Variants in DENND4C observed in about 807,000 individuals in gnomAD.
DENND4C encodes the protein DENN domain containing 4C, also known as DENN domain-containing protein 4C.
DENND4C carries 108 observed loss-of-function variants against 203.0 expected under a neutral mutation model. That is an observed-to-expected ratio of 0.53 (90% CI 0.46 to 0.62). The LOEUF is 0.62. DENND4C is among the 20% of genes least tolerant of loss of function. The pLI is 0.00. For synonymous variants in DENND4C, 871 were observed against 792.4 expected, an observed-to-expected ratio of 1.10 and a Z score of -1.67; for missense variants, 2,481 against 2,301.2, an observed-to-expected ratio of 1.08 and a Z score of -1.60.
intron 10 of DENND4C, among the ~76,000 whole-genome samples, chr9:19,309,302 A>G (rs1840299095): frequency 6.6e-6 from 1 of 151,980 alleles, no homozygotes; most frequent in Non-Finnish European, 1.5e-5. Flanking sequence ...CATGCCTGTA[A>G]TCCCAGCTAT....
chr9:19,361,349 T>G (rs756932568), intron 29 of DENND4C, among the ~76,000 whole-genome samples: 1 of 152,178 alleles, frequency 6.6e-6, no homozygotes, highest in Non-Finnish European at 1.5e-5. Context: ...CTGTCTGACT[T>G]AAAAGCCCCA....
At chr9:19,298,027 T>G in intron 6 of DENND4C, 29 bp from the exon 7 acceptor site, 1 of 1,528,048 alleles carries the variant, frequency 6.5e-7, no homozygotes, top group Middle Eastern at 1.8e-4. Context: ...AAAGTAATTA[T>G]TATATTTATT....
chr9:19,238,330 C>T (rs1425298163), intron 1 of DENND4C, among the ~76,000 whole-genome samples: 1 of 151,836 alleles, frequency 6.6e-6, no homozygotes, highest in African/African-American at 2.4e-5. Context: ...GATCTGCCGG[C>T]CTTGGCCTCC....
At chr9:19,306,493 T>C (rs1473718810) in intron 10 of DENND4C, among the ~76,000 whole-genome samples, 1 of 152,192 alleles carries the variant, frequency 6.6e-6, no homozygotes, top group Non-Finnish European at 1.5e-5. Context: ...AATTAGTTTT[T>C]TGTAGCACAC....
chr9:19,283,764 T>G (rs957079138), intron 2 of DENND4C, among the ~76,000 whole-genome samples: 1 of 151,722 alleles, frequency 6.6e-6, no homozygotes, highest in Non-Finnish European at 1.5e-5. Flanking sequence ...CCAGGCTAAT[T>G]TTTTATTTTT....
chr9:19,334,832 T>A, intron 17 of DENND4C, 145 bp from the exon 18 acceptor site: 1 of 831,878 alleles, frequency 1.2e-6, no homozygotes, highest in Non-Finnish European at 1.8e-6. Flanking sequence ...GAATAGGTCT[T>A]AAAAATAATT....
At chr9:19,273,816 A>G (rs1352776340) in intron 1 of DENND4C, among the ~76,000 whole-genome samples, 4 of 152,156 alleles carry the variant, frequency 2.6e-5, no homozygotes, top group African/African-American at 9.7e-5. Flanking sequence ...CAAAGCTGAC[A>G]AGAGTGAAAA....
At chr9:19,287,979 C>T (rs1489629197) in intron 3 of DENND4C, among the ~76,000 whole-genome samples, 1 of 152,232 alleles carries the variant, frequency 6.6e-6, no homozygotes, top group Non-Finnish European at 1.5e-5. Context: ...TGTGATCCAC[C>T]TGCCTCAGCT....
intron 26 of DENND4C, among the ~76,000 whole-genome samples, chr9:19,355,825 G>A (rs529008198): frequency 6.6e-6 from 1 of 152,146 alleles, no homozygotes; most frequent in East Asian, 1.9e-4. Flanking sequence ...TTAATGTGAG[G>A]AAAATTGACT....
intron 7 of DENND4C, among the ~76,000 whole-genome samples, chr9:19,298,665 A>G (rs1837940516): frequency 6.6e-6 from 1 of 152,136 alleles, no homozygotes; most frequent in African/African-American, 2.4e-5. Flanking sequence ...ATTGTCATAA[A>G]AGTTGCTTAA....
chr9:19,322,037 T>C (rs1201254541), intron 12 of DENND4C, among the ~76,000 whole-genome samples: 1 of 152,202 alleles, frequency 6.6e-6, no homozygotes, highest in Non-Finnish European at 1.5e-5. Flanking sequence ...ATAGTTTCTA[T>C]TTAATGATCT....
At chr9:19,347,332 T>C (rs1176828091) in intron 23 of DENND4C, among the ~76,000 whole-genome samples, 1 of 152,206 alleles carries the variant, frequency 6.6e-6, no homozygotes, top group Non-Finnish European at 1.5e-5. Context: ...GGTTTCACCA[T>C]GTTGGCCAGG....
At chr9:19,232,025 A>C (rs1376661082) in intron 1 of DENND4C, among the ~76,000 whole-genome samples, 1 of 152,178 alleles carries the variant, frequency 6.6e-6, no homozygotes, top group Non-Finnish European at 1.5e-5. Flanking sequence ...TTCTGTGTAC[A>C]CGCGATAAGA....
At chr9:19,297,535 A>G (rs1004269268) in intron 6 of DENND4C, among the ~76,000 whole-genome samples, 59 of 152,330 alleles carry the variant, frequency 3.9e-4, no homozygotes, top group Admixed American at 2.9e-3. Context: ...GATAAAATCA[A>G]TGTATATAAT....
chr9:19,332,743 G>C (rs1048207970), intron 17 of DENND4C, among the ~76,000 whole-genome samples: 5 of 149,090 alleles, frequency 3.4e-5, no homozygotes, highest in African/African-American at 1.2e-4. Flanking sequence ...ATGGCACCTG[G>C]CATATGGTTT....
intron 20 of DENND4C, 86 bp downstream of exon 20, chr9:19,336,918 T>C (rs1820601681): frequency 7.7e-7 from 1 of 1,291,310 alleles, no homozygotes; most frequent in Admixed American, 2.3e-5. Context: ...ATTCTTGAGT[T>C]TGTGTGATAT....
intron 1 of DENND4C, among the ~76,000 whole-genome samples, chr9:19,234,745 A>G (rs537813921): frequency 4.2e-4 from 64 of 150,796 alleles, no homozygotes; most frequent in African/African-American, 1.3e-3. Context: ...GTTTTGCCAT[A>G]TTGCCCAGGC....
intron 1 of DENND4C, among the ~76,000 whole-genome samples, chr9:19,270,146 G>A (rs1564104448): frequency 6.6e-6 from 1 of 152,158 alleles, no homozygotes; most frequent in African/African-American, 2.4e-5. Context: ...GAGCTACCTG[G>A]AGTTGAGGGG....
intron 2 of DENND4C, among the ~76,000 whole-genome samples, chr9:19,286,151 G>A (rs951073964): frequency 4.6e-5 from 7 of 152,086 alleles, no homozygotes; most frequent in African/African-American, 1.7e-4. Flanking sequence ...TAATCTATTT[G>A]GGGGTATTGC....
Sources: gnomAD v4.1 joint callset for allele counts (sites outside exome capture counted in the v4.1 genomes callset) on GRCh38, gnomAD v4.1.1 for gene constraint, MANE v1.5 for transcripts, NCBI Gene and HGNC (gene_info 2026-07-23, HGNC 2026-07-21) for gene names.